The following FAM120A variants were observed in gnomAD, a reference collection of about 807,000 sequenced individuals.
FAM120A encodes constitutive coactivator of PPAR-gamma-like protein 1.
Under a neutral mutation model 109.7 loss-of-function variants are expected in FAM120A, and 15 were observed. The observed-to-expected ratio is 0.14, with a 90% CI of 0.09 to 0.21. FAM120A has a LOEUF of 0.21. Ranked by LOEUF, FAM120A falls within the 10% of genes least tolerant of loss-of-function variation. The probability of loss-of-function intolerance (pLI) is 1.00; values close to 1 mark genes in which losing one functional copy is unlikely to be tolerated. For synonymous variants in FAM120A, 493 were observed against 572.8 expected, an observed-to-expected ratio of 0.86 and a Z score of 1.99; for missense variants, 899 against 1,439.3, an observed-to-expected ratio of 0.62 and a Z score of 6.07.
chr9:93,506,411 T>C (rs1351820642), intron 5 of FAM120A, among the ~76,000 whole-genome samples: 1 of 152,234 alleles, frequency 6.6e-6, no homozygotes, highest in Non-Finnish European at 1.5e-5. Context: ...GTGCTATTTC[T>C]ATGTGTGTCT....
intron 7 of FAM120A, chr9:93,523,166 A>T (rs901312505): frequency 1.3e-5 from 5 of 378,394 alleles, no homozygotes; most frequent in South Asian, 2.3e-5. Flanking sequence ...TTTTAATGTA[A>T]AATAGCTAAA....
chr9:93,494,632 A>C (rs916488337), intron 3 of FAM120A, among the ~76,000 whole-genome samples: 1 of 152,220 alleles, frequency 6.6e-6, no homozygotes, highest in Non-Finnish European at 1.5e-5. Context: ...CAGTGCTGTC[A>C]TTCAGATCAT....
chr9:93,456,993 A>G (rs1367210141), intron 1 of FAM120A, among the ~76,000 whole-genome samples: 2 of 152,282 alleles, frequency 1.3e-5, no homozygotes, highest in East Asian at 1.9e-4. Context: ...CTGTTGTACT[A>G]CTTTTGTCAC....
At chr9:93,457,365 A>G (rs1028167782) in intron 1 of FAM120A, among the ~76,000 whole-genome samples, 39 of 151,462 alleles carry the variant, frequency 2.6e-4, no homozygotes, top group African/African-American at 9.2e-4. Context: ...GTCATAAGTT[A>G]TATAATATAT....
At position 93,467,179 on chromosome 9, in the gene FAM120A, CT is replaced by C. The variant is rs1168188744; in HGVS notation, c.475-3961del. On this transcript the variant is annotated intron_variant, in intron 1 of 17. Coordinates refer to ENST00000277165, the MANE Select transcript of FAM120A (RefSeq NM_014612.5). ...CTGAGTCATCTTGTTGCTACCACCCCTAGGCAATCGACTTTGAACTCTTTCA... is the reference window on the plus strand; with the variant it reads ...CTGAGTCATCTTGTTGCTACCACCCCAGGCAATCGACTTTGAACTCTTTCA... 3.3e-4 allele frequency among the ~76,000 whole-genome samples: 50 copies of C among 150,918 alleles called. 2 individuals carry two copies. Among genetic ancestry groups the C allele is most frequent in the African/African-American group, 1.2e-3 (49 of 41,138 alleles).
chr9:93,466,134 A>G (rs1427487318), intron 1 of FAM120A, among the ~76,000 whole-genome samples: 1 of 152,072 alleles, frequency 6.6e-6, no homozygotes. Flanking sequence ...TCGCTTATTT[A>G]TAACATCCTC....
intron 12 of FAM120A, among the ~76,000 whole-genome samples, chr9:93,554,974 C>T (rs1031233144): frequency 3.3e-5 from 5 of 152,194 alleles, no homozygotes; most frequent in Non-Finnish European, 5.9e-5. Context: ...CACACCTGTG[C>T]TTGGCTGCTT....
chr9:93,532,100 T>C lies in FAM120A; in HGVS notation c.1735-55T>C. ...AATACAGTATATTTCTGTGAGTGTA[T>C]TGTAAATTCAACATGAAAAATGTGC... On this transcript the variant is annotated intron_variant, in intron 9 of 17. Transcript: ENST00000277165. The surrounding 1 kb of genome is among the most constrained non-coding windows in gnomAD (Gnocchi z 4.3). The C allele has an allele frequency of 1.3e-6, 2 of 1,495,060 alleles. No homozygotes were observed. Among genetic ancestry groups the C allele is most frequent in the Non-Finnish European group, 1.9e-6 (2 of 1,077,352 alleles). 92.6% of individuals were successfully genotyped at this position (1,495,060 alleles called of 1,614,324 possible).
intron 3 of FAM120A, among the ~76,000 whole-genome samples, chr9:93,495,097 G>A (rs559705836): frequency 6.6e-6 from 1 of 152,192 alleles, no homozygotes; most frequent in Non-Finnish European, 1.5e-5. Context: ...CAGCAGCTGA[G>A]TAGGCATTGT....
intron 12 of FAM120A, among the ~76,000 whole-genome samples, chr9:93,553,044 T>A (rs977861669): frequency 6.6e-6 from 1 of 152,254 alleles, no homozygotes; most frequent in Admixed American, 6.5e-5. Context: ...GAATTTCATC[T>A]CATCCATGCT....
intron 10 of FAM120A, among the ~76,000 whole-genome samples, chr9:93,537,004 C>T (rs1031550092): frequency 2.0e-5 from 3 of 152,176 alleles, no homozygotes; most frequent in African/African-American, 4.8e-5. Flanking sequence ...ACGTGATCCA[C>T]GGTGATAGTG....
intron 1 of FAM120A, among the ~76,000 whole-genome samples, chr9:93,458,112 T>A (rs1193227713): frequency 6.6e-6 from 1 of 152,046 alleles, no homozygotes; most frequent in African/African-American, 2.4e-5. Flanking sequence ...TATATATTAT[T>A]TATACTGTGT....
intron 1 of FAM120A, among the ~76,000 whole-genome samples, chr9:93,462,387 T>TCTC (rs10652690): frequency 0.55 from 83,626 of 151,710 alleles, 23,768 homozygotes; most frequent in African/African-American, 0.68. Context: ...TGCAAGCAGT[T>TCTC]CTGCCTCAGC....
At chr9:93,463,196 A>T (rs7023933) in intron 1 of FAM120A, among the ~76,000 whole-genome samples, 42,722 of 151,688 alleles carry the variant, frequency 0.28, 8,313 homozygotes, top group African/African-American at 0.56. Context: ...TCTTTTTTTT[A>T]AAAAAATAGT....
rs1391466616 is a variant in FAM120A at position 93,489,237 on chromosome 9, A to T, written c.805-8234A>T. Among the ~76,000 whole-genome samples, 6 of 152,194 alleles carry T rather than the reference A, an allele frequency of 3.9e-5. 1 individual carries two copies. Among genetic ancestry groups the T allele is most frequent in the Non-Finnish European group, 8.8e-5 (6 of 68,028 alleles). ...CCACTCACCTGGTTGGCTGTGGTGG[A>T]TACTTAGTAAGCTCCTCTATAAGAT... On this transcript the variant is annotated intron_variant, in intron 3 of 17. Coordinates refer to ENST00000277165, the MANE Select transcript of FAM120A (RefSeq NM_014612.5).
intron 2 of FAM120A, among the ~76,000 whole-genome samples, chr9:93,472,834 G>A (rs1858368992): frequency 1.3e-5 from 2 of 151,956 alleles, no homozygotes; most frequent in African/African-American, 2.4e-5. Flanking sequence ...TCTCCCAATC[G>A]GTCTCAAAGG....
intron 1 of FAM120A, among the ~76,000 whole-genome samples, chr9:93,464,541 C>T (rs1226018658): frequency 1.3e-5 from 2 of 152,192 alleles, no homozygotes; most frequent in African/African-American, 4.8e-5. Flanking sequence ...TTGTATTGGA[C>T]ACTAGCCCCC....
chr9:93,506,328 G>A lies in FAM120A; in HGVS notation c.1030+7442G>A, dbSNP rs559497921. Among the ~76,000 whole-genome samples, 53 of 152,216 alleles carry A rather than the reference G, an allele frequency of 3.5e-4. 2 individuals are homozygous for A. The highest frequency in any genetic ancestry group is 1.2e-3 in the African/African-American group (51 of 41,522). ...TTTGAATTGTCCTGAATATCTTTCC[G>A]TAAACTTGAATTTTCTTCATTAAGC... On this transcript the variant is annotated intron_variant, in intron 5 of 17. Coordinates refer to ENST00000277165, the MANE Select transcript of FAM120A (RefSeq NM_014612.5).
In FAM120A at chr9:93,565,505, A is replaced by G. The variant is rs377355365; in HGVS notation, c.*965A>G. 1 of 152,512 alleles carries G rather than the reference A, an allele frequency of 6.6e-6. No homozygotes were observed. The highest frequency in any genetic ancestry group is 2.4e-5 in the African/African-American group (1 of 41,452). 9.4% of individuals were successfully genotyped at this position (152,512 alleles called of 1,614,324 possible). ...TTTAGTCATTGACTGATCTTGCTCT[A>G]ACCTTAAAATTTTGTGATTATTGAC... On this transcript the variant is annotated 3_prime_UTR_variant, in exon 18 of 18. Transcript: ENST00000277165.
Sources: gnomAD v4.1 joint callset for allele counts (sites outside exome capture counted in the v4.1 genomes callset) on GRCh38, gnomAD v4.1.1 for gene constraint, Gnocchi (gnomAD v3.1) non-coding constraint, MANE v1.5 for transcripts, NCBI Gene and HGNC (gene_info 2026-07-23, HGNC 2026-07-21) for gene names.